The following FAM186B variants were observed in gnomAD, a reference collection of about 807,000 sequenced individuals.
FAM186B encodes the protein protein FAM186B.
Under a neutral mutation model 83.4 loss-of-function variants are expected in FAM186B, and 68 were observed. The ratio of observed to expected loss-of-function variants is 0.81; its 90% CI spans 0.67 to 1.00. FAM186B has a LOEUF of 1.00. Among genes scored for constraint, FAM186B ranks in the 50% least tolerant of loss-of-function variants. The pLI, the probability that FAM186B is intolerant of heterozygous loss-of-function variation, is 0.00. For synonymous variants in FAM186B, 389 were observed against 422.0 expected (o/e 0.92, Z 0.96); for missense variants, 983 against 1,099.2 (o/e 0.89, Z 1.49).
rs1939996962 is a variant in FAM186B at position 49,605,457 on chromosome 12, T to TG, written c.20dup (p.Gln8ThrfsTer16). On this transcript the variant is annotated frameshift_variant, in exon 1 of 7. Transcript: ENST00000257894. LOFTEE classifies it high-confidence loss of function. ...TCACTGATGTGGGAGTCACCAACTG[T>TG]GGGGGGTCATCCTTCTCCATTTTGG... The TG allele has an allele frequency of 4.3e-6, 7 of 1,613,580 alleles. No individual in the cohort carries two copies. Among genetic ancestry groups the TG allele is most frequent in the Admixed American group, 1.7e-5 (1 of 59,968 alleles).
At chr12:49,602,457 A>C (rs1354710080) in intron 3 of FAM186B, among the ~76,000 whole-genome samples, 7 of 152,326 alleles carry the variant, frequency 4.6e-5, no homozygotes, top group South Asian at 2.1e-4. Context: ...GCATGGTGTC[A>C]GACACCTCAC....
intron 5 of FAM186B, among the ~76,000 whole-genome samples, chr12:49,598,120 C>T (rs1245312904): frequency 6.6e-6 from 1 of 152,164 alleles, no homozygotes; most frequent in Non-Finnish European, 1.5e-5. Context: ...ACTTCCACAT[C>T]CAAGCAAACA....
Position 49,605,479 on chromosome 12 carries a change from T to A in FAM186B, c.-2A>T, listed in dbSNP as rs1279728707. ...CTGTGGGGGGTCATCCTTCTCCATT[T>A]TGGATCACTCTGTCAGTCACAAAAC... On this transcript the variant is annotated 5_prime_UTR_variant, in exon 1 of 7. Transcript: ENST00000257894. 2 of 1,612,658 alleles carry A rather than the reference T, an allele frequency of 1.2e-6. No individual in the cohort carries two copies. Among genetic ancestry groups the A allele is most frequent in the Non-Finnish European group, 1.7e-6 (2 of 1,179,494 alleles).
the FAM186B span, among the ~76,000 whole-genome samples, chr12:49,617,245 AAAC>A: frequency 1.3e-5 from 2 of 152,192 alleles, no homozygotes; most frequent in African/African-American, 4.8e-5. Flanking sequence ...TCACTAACCA[AAAC>A]AAAAGCAATA....
At chr12:49,614,434 G>A in the FAM186B span, among the ~76,000 whole-genome samples, 2 of 152,274 alleles carry the variant, frequency 1.3e-5, no homozygotes, top group East Asian at 3.9e-4. Flanking sequence ...GCAACAACAC[G>A]GATGCAGCTG....
At chr12:49,608,037 A>G (rs1940052723), upstream of FAM186B, among the ~76,000 whole-genome samples, 1 of 152,010 alleles carries the variant, frequency 6.6e-6, no homozygotes, top group Non-Finnish European at 1.5e-5. Flanking sequence ...CCAGAAAAAC[A>G]TGACAAGAAA....
chr12:49,592,945 G>A (rs1038116227), intron 5 of FAM186B, among the ~76,000 whole-genome samples: 1 of 152,062 alleles, frequency 6.6e-6, no homozygotes, highest in Non-Finnish European at 1.5e-5. Context: ...TAGAAATGAA[G>A]AGCAAATTAT....
the FAM186B span, among the ~76,000 whole-genome samples, chr12:49,620,048 A>C: frequency 6.6e-6 from 1 of 152,166 alleles, no homozygotes; most frequent in African/African-American, 2.4e-5. Context: ...ATAACACGGC[A>C]TTGTGAATAC....
At chr12:49,612,592 C>T in the FAM186B span, among the ~76,000 whole-genome samples, 1 of 151,506 alleles carries the variant, frequency 6.6e-6, no homozygotes, top group Non-Finnish European at 1.5e-5. Context: ...ATGTTTGAGC[C>T]AAGACAATTC....
In FAM186B at chr12:49,600,163, A is replaced by C; in HGVS notation, c.1477T>G (p.Trp493Gly). ...TGCCACATCTCCTCCTCCTCCAGCC[A>C]CAGCTGCCTCCGCATCTCCCGGCCG... ...EFGREMRRQL[W>G]LEEEEMWQQR... is the part of the protein sequence containing the mutation. Residue 493 changes from tryptophan (W) to glycine (G), a missense_variant, in exon 4 of 7, where the codon TGG becomes GGG. Transcript: ENST00000257894. The surrounding 1 kb of genome is among the most constrained non-coding windows in gnomAD (Gnocchi z 4.3). The C allele has an allele frequency of 6.2e-7, 1 of 1,613,340 alleles. No homozygotes were observed. The highest frequency in any genetic ancestry group is 8.5e-7 in the Non-Finnish European group (1 of 1,179,632).
upstream of FAM186B, among the ~76,000 whole-genome samples, chr12:49,610,061 A>C (rs1268005652): frequency 6.6e-6 from 1 of 152,142 alleles, no homozygotes; most frequent in African/African-American, 2.4e-5. Context: ...ATACAAGGCT[A>C]TAGAAGCAAA....
chr12:49,599,605 CCTCA>C lies in FAM186B; in HGVS notation c.2031_2034del (p.Ser677ArgfsTer5), dbSNP rs1565809759. 3 of 1,612,244 alleles carry C rather than the reference CCTCA, an allele frequency of 1.9e-6. No individual in the cohort carries two copies. Among genetic ancestry groups the C allele is most frequent in the Non-Finnish European group, 2.5e-6 (3 of 1,179,046 alleles). On this transcript the variant is annotated frameshift_variant, in exon 4 of 7. Coordinates refer to ENST00000257894, the MANE Select transcript of FAM186B (RefSeq NM_032130.3). LOFTEE classifies it high-confidence loss of function. ...TAGTGGGGCAGCCTCAACTCAGACTCCTCACTCAGGAGCTGCAGGTTCTTCCTCT... is the reference window on the plus strand; with the variant it reads ...TAGTGGGGCAGCCTCAACTCAGACTCCTCAGGAGCTGCAGGTTCTTCCTCT...
chr12:49,585,253 C>T (rs1327956433), downstream of FAM186B, among the ~76,000 whole-genome samples: 6 of 152,134 alleles, frequency 3.9e-5, no homozygotes, highest in African/African-American at 1.4e-4. Context: ...CTCCTGACCT[C>T]GTGATCTGCC....
chr12:49,587,502 T>C (rs1269712286), downstream of FAM186B: 1 of 1,497,646 alleles, frequency 6.7e-7, no homozygotes, highest in Non-Finnish European at 9.3e-7. Flanking sequence ...AATGAGGTCA[T>C]TGTTAAAGCC....
the FAM186B span, among the ~76,000 whole-genome samples, chr12:49,615,966 A>C: frequency 3.7e-3 from 566 of 152,242 alleles, 1 homozygote; most frequent in African/African-American, 0.013. Context: ...AGATTTTGGG[A>C]AAGTGAAACT....
chr12:49,613,529 A>G, the FAM186B span, among the ~76,000 whole-genome samples: 3 of 149,158 alleles, frequency 2.0e-5, no homozygotes, highest in African/African-American at 7.4e-5. Flanking sequence ...TCCATCTCAA[A>G]AAAAAAAAAA....
At position 49,605,391 on chromosome 12, in the gene FAM186B, C is replaced by G; in HGVS notation, c.87G>C (p.Arg29=). Residue 29 remains arginine (R), a synonymous_variant, in exon 1 of 7, where the codon CGG becomes CGC. Transcript: ENST00000257894. ...ILRIEAAQLT[R]AQEDISTQLS... ...TCATCTCAGGGGCTACCTCTTGAGC[C>G]CGAGTTAGCTGGGCAGCCTCAATCC... is the stretch of plus-strand genomic sequence containing the variant. The G allele has an allele frequency of 6.2e-7, 1 of 1,612,884 alleles. No homozygotes were observed. The highest frequency in any genetic ancestry group is 8.5e-7 in the Non-Finnish European group (1 of 1,179,576).
At chr12:49,583,746 G>A (rs1369753173), downstream of FAM186B, 1 of 152,914 alleles carries the variant, frequency 6.5e-6, no homozygotes, top group Non-Finnish European at 1.5e-5. Context: ...TCTGAGGATG[G>A]GGTAATTTCC....
At chr12:49,590,374 T>C (rs972377562) in intron 5 of FAM186B, among the ~76,000 whole-genome samples, 3 of 152,176 alleles carry the variant, frequency 2.0e-5, no homozygotes, top group African/African-American at 7.2e-5. Context: ...TTGGACCCAC[T>C]TTAGTGATTA....
Sources: allele counts gnomAD v4.1 joint callset (sites outside exome capture counted in the v4.1 genomes callset), GRCh38; gene constraint gnomAD v4.1.1; non-coding constraint Gnocchi (gnomAD v3.1); transcripts MANE v1.5; gene names NCBI Gene and HGNC (gene_info 2026-07-23, HGNC 2026-07-21).